HSD17B11: variants seen among roughly 807,000 people sequenced by gnomAD.
HSD17B11 encodes the protein estradiol 17-beta-dehydrogenase 11.
In HSD17B11, 22 loss-of-function variants were observed where a neutral mutation model predicts 27.8. The ratio of observed to expected loss-of-function variants is 0.79; its 90% CI spans 0.56 to 1.13. The LOEUF is 1.13. Among genes scored for constraint, HSD17B11 ranks in the 50% most tolerant of loss-of-function variants. HSD17B11 has a pLI of 0.00. For missense variants in HSD17B11, 314 were observed against 351.1 expected (o/e 0.89, Z 0.84); for synonymous variants, 117 against 132.8 (o/e 0.88, Z 0.82).
intron 5 of HSD17B11, among the ~76,000 whole-genome samples, chr4:87,347,103 A>ATTTTTTTTTTTTTTTTTTTTT: frequency 1.6e-5 from 1 of 62,596 alleles, no homozygotes; most frequent in Non-Finnish European, 2.7e-5. Context: ...AGTATTCTGG[A>ATTTTTTTTTTTTTTTTTTTTT]TTTTTTTTTT....
intron 2 of HSD17B11, among the ~76,000 whole-genome samples, chr4:87,379,154 A>C (rs1350098769): frequency 6.8e-6 from 1 of 148,052 alleles, no homozygotes; most frequent in Non-Finnish European, 1.5e-5. Context: ...ACAGGGTTTC[A>C]TCATATTGGC....
rs1560757161 is a variant in HSD17B11, at chr4:87,340,511, G to C, written c.791C>G (p.Ala264Gly). The C allele has an allele frequency of 6.2e-7, 1 of 1,604,420 alleles. No homozygotes were observed. Among genetic ancestry groups the C allele is most frequent in the Non-Finnish European group, 8.5e-7 (1 of 1,174,300 alleles). ...QKMIFIPSSI[A>G]FLTTLERILP... is the part of the protein sequence containing the mutation. ...TTACCTTTCCAATGTTGTTAAAAAA[G>C]CTATAGAAGATGGAATAAAAATCAT... The change falls in exon 6 of 7, where the codon GCT (alanine) becomes GGT (glycine). Residue 264 changes from alanine (A) to glycine (G), a missense_variant. Ala to Gly is a moderately conservative substitution (Grantham distance 60). Coordinates refer to ENST00000358290, the MANE Select transcript of HSD17B11 (RefSeq NM_016245.5).
At chr4:87,384,722 G>A (rs1230495488) in intron 1 of HSD17B11, among the ~76,000 whole-genome samples, 1 of 150,746 alleles carries the variant, frequency 6.6e-6, no homozygotes, top group Non-Finnish European at 1.5e-5. Context: ...TGGTCAGACC[G>A]GTTCTCTGCT....
chr4:87,379,593 T>C (rs1441667412), intron 2 of HSD17B11, among the ~76,000 whole-genome samples: 2 of 145,978 alleles, frequency 1.4e-5, no homozygotes, highest in Admixed American at 1.4e-4. Context: ...CACAGCATTA[T>C]ATACAGCACA....
chr4:87,347,116 C>CTT (rs70957224), intron 5 of HSD17B11, among the ~76,000 whole-genome samples: 24 of 44,304 alleles, frequency 5.4e-4, no homozygotes, highest in East Asian at 1.3e-3. Context: ...TTTTTTTTTT[C>CTT]TTTTTTTTTT....
intron 2 of HSD17B11, among the ~76,000 whole-genome samples, chr4:87,378,503 T>C (rs960264789): frequency 1.3e-5 from 2 of 151,956 alleles, no homozygotes; most frequent in Non-Finnish European, 2.9e-5. Flanking sequence ...ATACTTTTAG[T>C]TATTTTAAAA....
At chr4:87,347,103 A>ATTTTTTTTTTTTTTTTTTTTTTTTTTTTT (rs763068482) in intron 5 of HSD17B11, among the ~76,000 whole-genome samples, 2 of 62,596 alleles carry the variant, frequency 3.2e-5, no homozygotes, top group Non-Finnish European at 2.7e-5. Context: ...AGTATTCTGG[A>ATTTTTTTTTTTTTTTTTTTTTTTTTTTTT]TTTTTTTTTT....
chr4:87,380,133 C>G (rs892041819), intron 2 of HSD17B11, among the ~76,000 whole-genome samples: 6 of 137,836 alleles, frequency 4.4e-5, no homozygotes, highest in Admixed American at 1.5e-4. Context: ...CGTTCTGATA[C>G]TAAAATGATA....
At chr4:87,362,404 T>G (rs1405062293) in intron 4 of HSD17B11, among the ~76,000 whole-genome samples, 2 of 152,208 alleles carry the variant, frequency 1.3e-5, no homozygotes, top group African/African-American at 4.8e-5. Context: ...TGCATGCCTG[T>G]AATCCCAGCT....
intron 6 of HSD17B11, among the ~76,000 whole-genome samples, chr4:87,339,287 A>C (rs1481546462): frequency 6.6e-6 from 1 of 152,242 alleles, no homozygotes; most frequent in Admixed American, 6.5e-5. Flanking sequence ...TAAACCTCCA[A>C]GGCATGTTCA....
chr4:87,356,199 G>A (rs1735383928), intron 5 of HSD17B11, among the ~76,000 whole-genome samples: 1 of 152,136 alleles, frequency 6.6e-6, no homozygotes, highest in Non-Finnish European at 1.5e-5. Context: ...TTCTGGAGAG[G>A]AGTTTGGCAA....
At chr4:87,347,103 A>ATTTTTTT (rs763068482) in intron 5 of HSD17B11, among the ~76,000 whole-genome samples, 18 of 62,568 alleles carry the variant, frequency 2.9e-4, no homozygotes, top group East Asian at 1.2e-3. Flanking sequence ...AGTATTCTGG[A>ATTTTTTT]TTTTTTTTTT....
chr4:87,365,060 G>A (rs1191545614), intron 4 of HSD17B11, among the ~76,000 whole-genome samples: 3 of 152,218 alleles, frequency 2.0e-5, no homozygotes, highest in East Asian at 1.9e-4. Context: ...TCCCAGCTAC[G>A]CGGGAGGCTG....
chr4:87,359,816 G>A (rs1012247593), intron 4 of HSD17B11, among the ~76,000 whole-genome samples: 1 of 152,112 alleles, frequency 6.6e-6, no homozygotes, highest in Non-Finnish European at 1.5e-5. Context: ...TTACGTGTGG[G>A]TAGTAAACCA....
At chr4:87,352,997 C>A (rs1578035340) in intron 5 of HSD17B11, among the ~76,000 whole-genome samples, 1 of 106,806 alleles carries the variant, frequency 9.4e-6, no homozygotes, top group Admixed American at 9.3e-5. Context: ...GGTGCGCACA[C>A]ACACTGGCCT....
At chr4:87,381,296 GGGTAA>G (rs1720161336) in intron 2 of HSD17B11, among the ~76,000 whole-genome samples, 1 of 151,982 alleles carries the variant, frequency 6.6e-6, no homozygotes, top group South Asian at 2.1e-4. Context: ...GAATATCCAG[GGGTAA>G]GGTCCAGGAA....
chr4:87,379,699 CTAT>C (rs1367508094), intron 2 of HSD17B11, among the ~76,000 whole-genome samples: 1 of 141,864 alleles, frequency 7.0e-6, no homozygotes, highest in African/African-American at 2.6e-5. Context: ...GTATACTATA[CTAT>C]TATATTAGTA....
chr4:87,382,215 C>T, intron 2 of HSD17B11, 40 bp downstream of exon 2: 1 of 1,451,454 alleles, frequency 6.9e-7, no homozygotes, highest in Non-Finnish European at 9.7e-7. Context: ...CACCTCCTAG[C>T]TCTAACATGA....
chr4:87,356,479 C>T (rs1014358824), intron 5 of HSD17B11, among the ~76,000 whole-genome samples: 19 of 152,164 alleles, frequency 1.2e-4, no homozygotes, highest in Non-Finnish European at 2.5e-4. Flanking sequence ...ATGCAGTATA[C>T]TTGCTGCTTC....
Sources: gnomAD v4.1 joint callset for allele counts (sites outside exome capture counted in the v4.1 genomes callset) on GRCh38, gnomAD v4.1.1 for gene constraint, MANE v1.5 for transcripts, NCBI Gene and HGNC (gene_info 2026-07-23, HGNC 2026-07-21) for gene names.